The following GRID2 variants were observed in gnomAD, a reference collection of about 807,000 sequenced individuals.
The protein encoded by GRID2 is glutamate ionotropic receptor delta type subunit 2.
Under a neutral mutation model 114.8 loss-of-function variants are expected in GRID2, and 33 were observed. The ratio of observed to expected loss-of-function variants is 0.29; its 90% CI spans 0.22 to 0.38. The LOEUF is 0.38. GRID2 is among the 10% of genes least tolerant of loss of function. The pLI is 1.00. For synonymous variants in GRID2, 505 were observed against 449.9 expected (o/e 1.12, Z -1.55); for missense variants, 1,184 against 1,257.7 (o/e 0.94, Z 0.89).
chr4:93,558,299 A>G (rs1179833897), intron 13 of GRID2, among the ~76,000 whole-genome samples: 1 of 152,116 alleles, frequency 6.6e-6, no homozygotes. Context: ...AATCCAGGAG[A>G]TGGTTTTTTG....
chr4:92,392,652 T>C (rs1034602036), intron 1 of GRID2, among the ~76,000 whole-genome samples: 2 of 152,162 alleles, frequency 1.3e-5, no homozygotes, highest in African/African-American at 4.8e-5. Context: ...CTTATTCAGT[T>C]ACATTACTGA....
chr4:93,355,321 T>C (rs1579795145), intron 8 of GRID2, among the ~76,000 whole-genome samples: 2 of 152,112 alleles, frequency 1.3e-5, no homozygotes, highest in African/African-American at 4.8e-5. Context: ...ATCTGACACC[T>C]TGGTTGAGCT....
At chr4:93,712,809 G>A (rs977281874) in intron 14 of GRID2, among the ~76,000 whole-genome samples, 3 of 152,154 alleles carry the variant, frequency 2.0e-5, no homozygotes, top group African/African-American at 4.8e-5. Flanking sequence ...GTGATACTGA[G>A]TAAACGCTAC....
intron 2 of GRID2, among the ~76,000 whole-genome samples, chr4:92,672,467 T>C (rs1733120804): frequency 6.6e-6 from 1 of 152,138 alleles, no homozygotes; most frequent in Non-Finnish European, 1.5e-5. Context: ...CTTTCTCCAG[T>C]CTTTTACTTT....
At chr4:92,787,300 A>G (rs1443731398) in intron 2 of GRID2, among the ~76,000 whole-genome samples, 1 of 151,950 alleles carries the variant, frequency 6.6e-6, no homozygotes, top group Non-Finnish European at 1.5e-5. Flanking sequence ...ATTTTACAAG[A>G]CTATAAATGT....
At chr4:93,237,967 A>G (rs1287535570) in intron 7 of GRID2, among the ~76,000 whole-genome samples, 1 of 151,914 alleles carries the variant, frequency 6.6e-6, no homozygotes. Flanking sequence ...GCTAGAACAA[A>G]GAAGATTGTT....
At chr4:93,426,987 A>C (rs1768914247) in intron 10 of GRID2, among the ~76,000 whole-genome samples, 1 of 152,012 alleles carries the variant, frequency 6.6e-6, no homozygotes, top group Non-Finnish European at 1.5e-5. Context: ...TAGAGAGATT[A>C]AAAGAAAATT....
At chr4:92,381,917 C>T (rs1179511541) in intron 1 of GRID2, among the ~76,000 whole-genome samples, 1 of 151,836 alleles carries the variant, frequency 6.6e-6, no homozygotes, top group African/African-American at 2.4e-5. Flanking sequence ...GACAATGAAT[C>T]TCAGATGTCT....
intron 8 of GRID2, among the ~76,000 whole-genome samples, chr4:93,339,395 A>G (rs764789836): frequency 1.3e-5 from 2 of 152,144 alleles, no homozygotes. Flanking sequence ...CACAGGGAGG[A>G]TTTCTTGTGA....
intron 1 of GRID2, among the ~76,000 whole-genome samples, chr4:92,576,801 T>TGTTGCTCCTGGGTGGGCC (rs1472408910): frequency 6.6e-6 from 1 of 152,162 alleles, no homozygotes. Flanking sequence ...CCCTTGGCTC[T>TGTTGCTCCTGGGTGGGCC]GTTGCTCCTG....
At chr4:93,239,648 A>G (rs1287587532) in intron 8 of GRID2, among the ~76,000 whole-genome samples, 1 of 151,594 alleles carries the variant, frequency 6.6e-6, no homozygotes, top group Non-Finnish European at 1.5e-5. Context: ...AGAAAACTGC[A>G]TAAAACACAA....
At chr4:93,240,088 A>C (rs1227247175) in intron 8 of GRID2, among the ~76,000 whole-genome samples, 2 of 151,638 alleles carry the variant, frequency 1.3e-5, no homozygotes, top group Non-Finnish European at 3.0e-5. Context: ...GCTGTTACAA[A>C]AATTCTTGGA....
chr4:93,736,764 G>A (rs1249228470), intron 14 of GRID2, among the ~76,000 whole-genome samples: 5 of 150,748 alleles, frequency 3.3e-5, no homozygotes, highest in Non-Finnish European at 5.9e-5. Flanking sequence ...TAGGATATTG[G>A]CATTAAATCT....
At chr4:92,470,560 A>C (rs1721984811) in intron 1 of GRID2, among the ~76,000 whole-genome samples, 1 of 152,126 alleles carries the variant, frequency 6.6e-6, no homozygotes, top group East Asian at 1.9e-4. Context: ...TATTTGTCAA[A>C]ATTTTTGTAA....
At chr4:92,805,650 T>G (rs764524641) in intron 2 of GRID2, among the ~76,000 whole-genome samples, 1 of 151,910 alleles carries the variant, frequency 6.6e-6, no homozygotes, top group African/African-American at 2.4e-5. Flanking sequence ...GGAAGATGAT[T>G]TGCTTGGTGC....
intron 2 of GRID2, among the ~76,000 whole-genome samples, chr4:92,622,502 A>G (rs1381015657): frequency 1.3e-5 from 2 of 151,822 alleles, no homozygotes; most frequent in Admixed American, 6.6e-5. Context: ...GAATGAGGGG[A>G]AAATTAAGTG....
intron 1 of GRID2, among the ~76,000 whole-genome samples, chr4:92,456,764 G>A (rs561987948): frequency 4.2e-4 from 64 of 152,066 alleles, no homozygotes; most frequent in Non-Finnish European, 7.1e-4. Context: ...GGGAACACAG[G>A]TTCCATTTCT....
intron 1 of GRID2, among the ~76,000 whole-genome samples, chr4:92,447,147 G>T (rs1363045892): frequency 6.6e-6 from 1 of 152,086 alleles, no homozygotes; most frequent in Admixed American, 6.5e-5. Context: ...CATTGGGTTT[G>T]CAAAAATAAC....
At chr4:93,187,358 C>T (rs1028408011) in intron 4 of GRID2, among the ~76,000 whole-genome samples, 1 of 150,608 alleles carries the variant, frequency 6.6e-6, no homozygotes, top group Non-Finnish European at 1.5e-5. Flanking sequence ...CTCTTAGCAA[C>T]CTCTACCTCC....
Sources: allele counts gnomAD v4.1 joint callset (sites outside exome capture counted in the v4.1 genomes callset), GRCh38; gene constraint gnomAD v4.1.1; transcripts MANE v1.5; gene names NCBI Gene and HGNC (gene_info 2026-07-23, HGNC 2026-07-21).